CP: variants seen among roughly 807,000 people sequenced by gnomAD.
CP encodes caeruloplasmin.
In CP, 64 loss-of-function variants were observed where a neutral mutation model predicts 122.4. That is an observed-to-expected ratio of 0.52 (90% CI 0.43 to 0.64). The LOEUF (loss-of-function observed/expected upper bound fraction) is 0.64, where lower values mean the gene tolerates loss of function less well. Among genes scored for constraint, CP ranks in the 30% least tolerant of loss-of-function variants. The pLI, the probability that CP is intolerant of heterozygous loss-of-function variation, is 0.00. For synonymous variants in CP, 440 were observed against 436.4 expected (o/e 1.01, Z -0.10); for missense variants, 1,167 against 1,284.4 (o/e 0.91, Z 1.40).
intron 9 of CP, among the ~76,000 whole-genome samples, chr3:149,191,683 A>G (rs979432156): frequency 6.6e-6 from 1 of 152,228 alleles, no homozygotes; most frequent in South Asian, 2.1e-4. Flanking sequence ...ATTTATAGAT[A>G]ATATAGAACC....
intron 14 of CP, 29 bp downstream of exon 14, chr3:149,181,976 A>ATCAGCCCCCCCCCCCCCCCCCCCCC: frequency 1.8e-6 from 1 of 561,808 alleles, no homozygotes; most frequent in South Asian, 1.4e-5. Context: ...GTTAAAATGC[A>ATCAGCCCCCCCCCCCCCCCCCCCCC]CCACCCCCAC....
chr3:149,168,138 C>A, downstream of CP: 1 of 621,492 alleles, frequency 1.6e-6, no homozygotes, highest in Non-Finnish European at 2.9e-6. Flanking sequence ...GTACCCTCCC[C>A]TTGACATTTG....
intron 10 of CP, among the ~76,000 whole-genome samples, chr3:149,187,088 G>A (rs1171514992): frequency 6.6e-6 from 1 of 151,866 alleles, no homozygotes; most frequent in African/African-American, 2.4e-5. Flanking sequence ...AGCTTTTCCT[G>A]TGCACCATAT....
chr3:149,209,451 G>A, intron 3 of CP, 67 bp from the exon 4 acceptor site: 2 of 1,456,906 alleles, frequency 1.4e-6, no homozygotes, highest in Non-Finnish European at 1.9e-6. Flanking sequence ...ATGTTTTCAG[G>A]TGATTTATAG....
Position 149,207,609 on chromosome 3 carries a change from C to A in CP, c.790G>T (p.Gly264Ter). The A allele has an allele frequency of 7.4e-6, 12 of 1,613,880 alleles. No homozygotes were observed. The highest frequency in any genetic ancestry group is 1.0e-5 in the Non-Finnish European group (12 of 1,179,766). The part of the protein sequence containing the change: ...QESNRMYSVN[G>*]YTFGSLPGLS... ...CCTGGGAGACTTCCAAAAGTGTATC[C>A]ATTCACAGCTGTAAGTCAAGAGCAG... The change falls in exon 5 of 19, where the codon GGA becomes TGA. Residue 264 changes from glycine to a stop codon, truncating the protein, a stop_gained. Transcript: ENST00000264613. LOFTEE classifies it high-confidence loss of function.
intron 1 of CP, among the ~76,000 whole-genome samples, chr3:149,214,870 G>A (rs765998731): frequency 1.3e-5 from 2 of 152,178 alleles, no homozygotes; most frequent in African/African-American, 4.8e-5. Context: ...CAGTCCATAT[G>A]ACTGAGAGGA....
chr3:149,162,836 G>T (rs1250672717), exon 6 of CP: 4 of 1,613,866 alleles, frequency 2.5e-6, no homozygotes, highest in East Asian at 2.2e-5. Context: ...TGTCTAAGAG[G>T]CAGCCTCCTG....
intron 2 of CP, among the ~76,000 whole-genome samples, chr3:149,211,160 C>T (rs539506380): frequency 2.0e-5 from 3 of 152,176 alleles, no homozygotes; most frequent in Admixed American, 6.5e-5. Context: ...TCAACACATT[C>T]ACTTTCTAAA....
At position 149,199,728 on chromosome 3, in the gene CP, G is replaced by A; in HGVS notation, c.1485C>T (p.Tyr495=). The A allele has an allele frequency of 1.2e-6, 2 of 1,614,080 alleles. No individual in the cohort carries two copies. Among genetic ancestry groups the A allele is most frequent in the Non-Finnish European group, 1.7e-6 (2 of 1,179,990 alleles). Reference sequence around the variant, plus strand: ...TATACTCACTTCTGCTCTGGGGGTTGTAATTTGGGGAATAGTATGTGCCCT... The same window carrying A: ...TATACTCACTTCTGCTCTGGGGGTTATAATTTGGGGAATAGTATGTGCCCT... ...NNEGTYYSPN[Y]NPQSRSVPPS... The change falls in exon 8 of 19, where the codon TAC becomes TAT. Residue 495 remains tyrosine (Y), a synonymous_variant. Coordinates refer to ENST00000264613, the MANE Select transcript of CP (RefSeq NM_000096.4).
chr3:149,207,353 G>A lies in CP; in HGVS notation c.1036+10C>T. 6.2e-7 allele frequency: 1 copy of A among 1,613,824 alleles called. No individual in the cohort carries two copies. The highest frequency in any genetic ancestry group is 8.5e-7 in the Non-Finnish European group (1 of 1,179,740). On this transcript the variant is annotated intron_variant, in intron 5 of 18. Transcript: ENST00000264613. ...CAGCTGACTGCTAATTTCAGGTAAA[G>A]ATGTCCTACCTTTCAGATGGTTTAG...
chr3:149,170,206 G>A (rs1415080441), downstream of CP, among the ~76,000 whole-genome samples: 7 of 152,174 alleles, frequency 4.6e-5, no homozygotes, highest in Admixed American at 4.6e-4. Context: ...GTGATAACCT[G>A]TATTAGCCCC....
rs561761357 is a variant in CP, at chr3:149,217,962, C to T, written c.146+3685G>A. ...AGGCCTGCTTATAGTGACATCTTCA[C>T]TGTACCATTTGTTTTGGAAACCTCT... On this transcript the variant is annotated intron_variant, in intron 1 of 18. Transcript: ENST00000264613. 52 of 372,432 alleles carry T rather than the reference C, an allele frequency of 1.4e-4. No homozygotes were observed. In the Admixed American group the frequency reaches 1.7e-3, roughly 12 times the overall value. The allele number at this position is 372,432 out of a possible 1,614,324, so 23.1% of individuals were successfully genotyped here.
chr3:149,178,271 T>C, intron 16 of CP, 144 bp downstream of exon 16: 1 of 704,150 alleles, frequency 1.4e-6, no homozygotes. Flanking sequence ...CTTTTTGTTT[T>C]GAACAGGATT....
intron 2 of CP, among the ~76,000 whole-genome samples, 188 bp downstream of exon 2, chr3:149,212,263 G>T (rs1576782310): frequency 6.6e-6 from 1 of 151,874 alleles, no homozygotes; most frequent in Non-Finnish European, 1.5e-5. Flanking sequence ...GTGATCCGAG[G>T]TCGTGCCACT....
exon 6 of CP, chr3:149,162,541 A>C: frequency 9.9e-7 from 1 of 1,005,738 alleles, no homozygotes. Flanking sequence ...CCTTTTAAAA[A>C]TGTCTAAATT....
chr3:149,206,266 A>C lies in CP; in HGVS notation c.1110T>G (p.His370Gln). 5.0e-6 allele frequency: 8 copies of C among 1,614,054 alleles called. No homozygotes were observed. The highest frequency in any genetic ancestry group is 6.8e-6 in the Non-Finnish European group (8 of 1,179,916). ...SSSKDNIRGK[H>Q]VRHYYIAAEE... ...CAGCGGCAATGTAGTAGTGTCTAACATGCTTCCCACGGATATTATCCTTTG... is the reference window on the plus strand; with the variant it reads ...CAGCGGCAATGTAGTAGTGTCTAACCTGCTTCCCACGGATATTATCCTTTG... Residue 370 changes from histidine to glutamine, a missense_variant, in exon 6 of 19, where the codon CAT (histidine) becomes CAG (glutamine). Around this residue, in one of 2 missense-constraint regions of CP, gnomAD observed 642 missense variants for 627.3 expected, o/e 1.02. Transcript: ENST00000264613.
At chr3:149,215,643 GCTCT>G (rs1252811451) in intron 1 of CP, among the ~76,000 whole-genome samples, 1 of 152,102 alleles carries the variant, frequency 6.6e-6, no homozygotes, top group African/African-American at 2.4e-5. Flanking sequence ...GTCATTAGGG[GCTCT>G]CTATTTAATT....
At chr3:149,181,973 T>TGGGGGGGGGGGGGGGGGGGG in intron 14 of CP, 32 bp downstream of exon 14, 6 of 1,375,566 alleles carry the variant, frequency 4.4e-6, no homozygotes, top group Non-Finnish European at 6.2e-6. Flanking sequence ...CCTGTTAAAA[T>TGGGGGGGGGGGGGGGGGGGG]GCACCACCCC....
Position 149,176,401 on chromosome 3 carries a change from A to T in CP, c.3030T>A (p.Val1010=), listed in dbSNP as rs1475412336. 6.2e-7 allele frequency: 1 copy of T among 1,609,914 alleles called. No homozygotes were observed. The highest frequency in any genetic ancestry group is 1.7e-5 in the Admixed American group (1 of 59,994). The part of the protein sequence containing the change: ...GHSFQYKHRG[V]YSSDVFDIFP... Reference sequence around the variant, plus strand: ...AAATGTCAAAGACATCAGAACTATAAACTCCCCTGTGCTTAATTAGAAAAA... The same window carrying T: ...AAATGTCAAAGACATCAGAACTATATACTCCCCTGTGCTTAATTAGAAAAA... Residue 1010 remains valine (V), a synonymous_variant, in exon 18 of 19, where the codon GTT becomes GTA. Coordinates refer to ENST00000264613, the MANE Select transcript of CP (RefSeq NM_000096.4).
Sources: gnomAD v4.1 joint callset for allele counts (sites outside exome capture counted in the v4.1 genomes callset) on GRCh38, gnomAD v4.1.1 for gene constraint, gnomAD v4.1.1 regional missense constraint, MANE v1.5 for transcripts, NCBI Gene and HGNC (gene_info 2026-07-23, HGNC 2026-07-21) for gene names.